Variants in RASAL2 observed in about 807,000 individuals in gnomAD.
RASAL2 encodes the protein ras GTPase-activating protein nGAP.
RASAL2 carries 58 observed loss-of-function variants against 128.9 expected under a neutral mutation model. The ratio of observed to expected loss-of-function variants is 0.45; its 90% confidence interval spans 0.36 to 0.56. The LOEUF (loss-of-function observed/expected upper bound fraction) is 0.56. Ranked by LOEUF, RASAL2 falls within the 20% of genes least tolerant of loss-of-function variation. The pLI, the probability that RASAL2 is intolerant of heterozygous loss-of-function variation, is 0.00. For missense variants in RASAL2, 1,360 were observed against 1,601.6 expected (o/e 0.85, Z 2.57); for synonymous variants, 561 against 580.8 (o/e 0.97, Z 0.49).
At chr1:178,130,661 TAAAC>T (rs939304079) in intron 1 of RASAL2, among the ~76,000 whole-genome samples, 30 of 152,194 alleles carry the variant, frequency 2.0e-4, no homozygotes, top group African/African-American at 7.2e-4. Context: ...GGAAACAAAA[TAAAC>T]AAACCTCTAG....
At chr1:178,462,453 C>T (rs560516521) in intron 14 of RASAL2, among the ~76,000 whole-genome samples, 21 of 152,074 alleles carry the variant, frequency 1.4e-4, no homozygotes, top group South Asian at 8.3e-4. Flanking sequence ...ATAAGAGCAA[C>T]GCTTATAAGA....
chr1:178,393,039 T>C (rs762346079), intron 4 of RASAL2, among the ~76,000 whole-genome samples: 5 of 152,092 alleles, frequency 3.3e-5, no homozygotes, highest in Non-Finnish European at 5.9e-5. Context: ...GTTAAGGCAA[T>C]GTCTTGGTTT....
intron 14 of RASAL2, among the ~76,000 whole-genome samples, chr1:178,460,644 A>T (rs1558009026): frequency 6.6e-6 from 1 of 152,132 alleles, no homozygotes; most frequent in South Asian, 2.1e-4. Flanking sequence ...GCACAGTGAG[A>T]TGTCCAGGTA....
At chr1:178,254,393 A>G (rs951156345) in intron 1 of RASAL2, among the ~76,000 whole-genome samples, 3 of 152,218 alleles carry the variant, frequency 2.0e-5, no homozygotes, top group Non-Finnish European at 2.9e-5. Flanking sequence ...TGTCTGGATT[A>G]TGTCAACTTT....
intron 4 of RASAL2, among the ~76,000 whole-genome samples, chr1:178,416,051 C>T (rs375705963): frequency 2.0e-5 from 3 of 152,120 alleles, no homozygotes; most frequent in African/African-American, 7.2e-5. Context: ...TATTGACGTT[C>T]GAAGTGATTA....
chr1:178,244,907 C>T (rs558461129), intron 1 of RASAL2, among the ~76,000 whole-genome samples: 48 of 152,242 alleles, frequency 3.2e-4, no homozygotes, highest in East Asian at 1.2e-3. Flanking sequence ...GACATGAACT[C>T]GTTCTTTTTC....
intron 1 of RASAL2, among the ~76,000 whole-genome samples, chr1:178,150,285 C>T (rs1339612686): frequency 6.6e-6 from 1 of 151,998 alleles, no homozygotes; most frequent in Non-Finnish European, 1.5e-5. Context: ...ACCTCCACCT[C>T]CTGGGTTCAA....
chr1:178,323,950 G>C lies in RASAL2; in HGVS notation c.457+23832G>C, dbSNP rs534285654. ...TTTTCAGGAAAGAAAATGCATACCCGTAACTAGAACACATTCTGTCTGGAA... is the reference window on the plus strand; with the variant it reads ...TTTTCAGGAAAGAAAATGCATACCCCTAACTAGAACACATTCTGTCTGGAA... On this transcript the variant is annotated intron_variant, in intron 3 of 17. Transcript: ENST00000367649. Among the ~76,000 whole-genome samples the C allele has an allele frequency of 2.6e-5, 4 of 152,136 alleles. No homozygotes were observed. In the South Asian group the frequency reaches 8.3e-4, roughly 32 times the overall value.
chr1:178,218,781 A>T (rs561022408), intron 1 of RASAL2, among the ~76,000 whole-genome samples: 108 of 152,368 alleles, frequency 7.1e-4, no homozygotes, highest in Non-Finnish European at 9.8e-4. Flanking sequence ...TAGATTTAGC[A>T]TAATTCATAC....
chr1:178,240,291 C>T (rs1271925212), intron 1 of RASAL2, among the ~76,000 whole-genome samples: 1 of 151,998 alleles, frequency 6.6e-6, no homozygotes, highest in African/African-American at 2.4e-5. Flanking sequence ...GACAGTATTT[C>T]TTTGAATAAT....
intron 1 of RASAL2, among the ~76,000 whole-genome samples, chr1:178,192,710 A>C (rs953652281): frequency 3.9e-5 from 6 of 152,180 alleles, no homozygotes; most frequent in South Asian, 4.1e-4. Flanking sequence ...AGCAACCTAC[A>C]GTCTTCTTCA....
intron 17 of RASAL2, among the ~76,000 whole-genome samples, chr1:178,472,094 T>A (rs1648327414): frequency 6.6e-6 from 1 of 152,236 alleles, no homozygotes; most frequent in Non-Finnish European, 1.5e-5. Context: ...GGTTCTAGAA[T>A]GATTTACTGA....
At chr1:178,432,968 TA>T (rs897307494) in intron 5 of RASAL2, among the ~76,000 whole-genome samples, 2 of 152,088 alleles carry the variant, frequency 1.3e-5, no homozygotes, top group African/African-American at 4.8e-5. Context: ...TTCTACCACC[TA>T]AAGCCTTCCG....
At chr1:178,393,118 C>A (rs948628271) in intron 4 of RASAL2, among the ~76,000 whole-genome samples, 3 of 152,148 alleles carry the variant, frequency 2.0e-5, no homozygotes, top group Non-Finnish European at 2.9e-5. Context: ...TGGTCCCCAA[C>A]CTTTCTGGCA....
intron 14 of RASAL2, 69 bp downstream of exon 14, chr1:178,458,613 A>C: frequency 6.7e-7 from 1 of 1,484,616 alleles, no homozygotes; most frequent in African/African-American, 1.4e-5. Flanking sequence ...TTTATACATA[A>C]ATCATTGGGA....
intron 1 of RASAL2, among the ~76,000 whole-genome samples, chr1:178,219,970 T>C (rs1663560711): frequency 6.6e-6 from 1 of 152,088 alleles, no homozygotes; most frequent in Non-Finnish European, 1.5e-5. Context: ...CTCCTCTCAG[T>C]AATGAGTGAG....
At chr1:178,441,276 T>G (rs1399347268) in intron 6 of RASAL2, among the ~76,000 whole-genome samples, 1 of 152,182 alleles carries the variant, frequency 6.6e-6, no homozygotes, top group Non-Finnish European at 1.5e-5. Flanking sequence ...TCTTAGTACA[T>G]TTTCGTCAGA....
chr1:178,135,653 A>G (rs1321847609), intron 1 of RASAL2, among the ~76,000 whole-genome samples: 1 of 152,206 alleles, frequency 6.6e-6, no homozygotes, highest in Non-Finnish European at 1.5e-5. Flanking sequence ...CTATTGTATT[A>G]GTCCATTTTC....
chr1:178,271,267 C>CT, intron 1 of RASAL2, among the ~76,000 whole-genome samples: 1 of 152,166 alleles, frequency 6.6e-6, no homozygotes, highest in Non-Finnish European at 1.5e-5. Flanking sequence ...CTCAGGCCTG[C>CT]TAAGTCAGTT....
Sources: allele counts gnomAD v4.1 joint callset (sites outside exome capture counted in the v4.1 genomes callset), GRCh38; gene constraint gnomAD v4.1.1; transcripts MANE v1.5; gene names NCBI Gene and HGNC (gene_info 2026-07-23, HGNC 2026-07-21).